Variants in OPCML observed in about 807,000 individuals in gnomAD.
The protein encoded by OPCML is opioid binding protein/cell adhesion molecule like.
Under a neutral mutation model 37.8 loss-of-function variants are expected in OPCML, and 13 were observed. The observed-to-expected ratio is 0.34, with a 90% confidence interval of 0.22 to 0.55. The LOEUF is 0.55. OPCML is among the 20% of genes least tolerant of loss of function. OPCML has a pLI of 0.91. For synonymous variants in OPCML, 176 were observed against 168.8 expected, an observed-to-expected ratio of 1.04 and a Z score of -0.33; for missense variants, 341 against 435.6, an observed-to-expected ratio of 0.78 and a Z score of 1.93.
At chr11:133,433,606 T>C (rs1946171977) in intron 1 of OPCML, among the ~76,000 whole-genome samples, 1 of 152,202 alleles carries the variant, frequency 6.6e-6, no homozygotes, top group Admixed American at 6.5e-5. Context: ...GCTTACGACA[T>C]GGGAGCCACA....
At chr11:132,846,125 GTCTCCT>G (rs1941528471) in intron 2 of OPCML, among the ~76,000 whole-genome samples, 1 of 152,184 alleles carries the variant, frequency 6.6e-6, no homozygotes, top group Non-Finnish European at 1.5e-5. Flanking sequence ...TTCATTTACA[GTCTCCT>G]TTATAGCTGC....
intron 1 of OPCML, among the ~76,000 whole-genome samples, chr11:133,520,411 G>T (rs532230902): frequency 6.6e-6 from 1 of 151,940 alleles, no homozygotes; most frequent in African/African-American, 2.4e-5. Context: ...TTTCTCCCAC[G>T]CAAGCAGAAA....
intron 4 of OPCML, among the ~76,000 whole-genome samples, chr11:132,451,618 G>C (rs963758133): frequency 6.6e-6 from 1 of 152,160 alleles, no homozygotes; most frequent in African/African-American, 2.4e-5. Context: ...GCACTGAGGG[G>C]ATGCCAGGAC....
chr11:132,621,915 AT>A (rs972556551), intron 3 of OPCML, among the ~76,000 whole-genome samples: 51 of 152,256 alleles, frequency 3.3e-4, no homozygotes, highest in African/African-American at 1.2e-3. Context: ...CATGGAATAC[AT>A]TTTCCCTCCA....
intron 1 of OPCML, among the ~76,000 whole-genome samples, chr11:133,312,061 T>C (rs1592190972): frequency 6.6e-6 from 1 of 152,070 alleles, no homozygotes. Flanking sequence ...CAGGAAAAAA[T>C]AGTCACAGTT....
rs68143578 is a variant in OPCML, at chr11:132,441,165, G to GTTTTTTTTTTTTTTTTTTTTTTTTTTTT, written c.506-3807_506-3806insAAAAAAAAAAAAAAAAAAAAAAAAAAAA. ...AGATGTGTTCACCAAGGACTTTTTT[G>GTTTTTTTTTTTTTTTTTTTTTTTTTTTT]TTTTTTTTTTTTTTTTTTTTGAGAC... On this transcript the variant is annotated intron_variant, in intron 4 of 7. Transcript: ENST00000524381. Among the ~76,000 whole-genome samples the GTTTTTTTTTTTTTTTTTTTTTTTTTTTT allele has an allele frequency of 1.5e-4, 11 of 72,402 alleles. 1 individual carries two copies. The highest frequency in any genetic ancestry group is 6.0e-4 in the South Asian group (1 of 1,668). 47.5% of individuals were successfully genotyped at this position (72,402 alleles called of 152,430 possible).
chr11:132,942,899 G>A (rs1412585013), intron 2 of OPCML, 27 bp downstream of exon 2: 2 of 1,613,454 alleles, frequency 1.2e-6, no homozygotes, highest in Non-Finnish European at 1.7e-6. Flanking sequence ...CCAGGGGCTC[G>A]GCCCCCGCGG....
intron 1 of OPCML, among the ~76,000 whole-genome samples, chr11:133,419,626 G>A (rs753577339): frequency 2.0e-5 from 3 of 152,148 alleles, no homozygotes; most frequent in East Asian, 3.9e-4. Context: ...TCTGAACTCT[G>A]TGTTTGTAGC....
At chr11:132,917,597 C>T (rs976378392) in intron 2 of OPCML, among the ~76,000 whole-genome samples, 1 of 152,142 alleles carries the variant, frequency 6.6e-6, no homozygotes, top group Non-Finnish European at 1.5e-5. Flanking sequence ...TTCTGAGGTA[C>T]CTCGTTCCCT....
At chr11:132,535,386 T>C (rs981201487) in intron 3 of OPCML, among the ~76,000 whole-genome samples, 2 of 152,094 alleles carry the variant, frequency 1.3e-5, no homozygotes, top group African/African-American at 4.8e-5. Context: ...ATCAGCACCA[T>C]GTCCTGCCCA....
At chr11:133,255,575 G>A (rs1381624885) in intron 1 of OPCML, among the ~76,000 whole-genome samples, 1 of 151,938 alleles carries the variant, frequency 6.6e-6, no homozygotes, top group African/African-American at 2.4e-5. Flanking sequence ...GCAAAGAAGA[G>A]GCCACACACA....
intron 3 of OPCML, among the ~76,000 whole-genome samples, chr11:132,596,415 T>C (rs751514024): frequency 1.9e-4 from 29 of 152,224 alleles, no homozygotes; most frequent in Non-Finnish European, 3.7e-4. Context: ...CTTTTGTTTA[T>C]GAACATTTAT....
At chr11:132,499,708 G>T (rs539944748) in intron 4 of OPCML, among the ~76,000 whole-genome samples, 1 of 152,306 alleles carries the variant, frequency 6.6e-6, no homozygotes, top group Non-Finnish European at 1.5e-5. Flanking sequence ...AAACAGAGAT[G>T]TGCATTAGAA....
chr11:133,067,243 TG>T (rs1948455461), intron 1 of OPCML: 1 of 152,136 alleles, frequency 6.6e-6, no homozygotes, highest in Non-Finnish European at 1.5e-5. Context: ...CTCTAGGAGA[TG>T]AAGTCACTGT....
chr11:132,692,226 C>T (rs1013099945), intron 2 of OPCML, among the ~76,000 whole-genome samples: 5 of 98,134 alleles, frequency 5.1e-5, no homozygotes, highest in African/African-American at 1.8e-4. Flanking sequence ...ATTGGTGATG[C>T]TACAGGAAAA....
chr11:132,950,532 C>A (rs1188097304), intron 1 of OPCML, among the ~76,000 whole-genome samples: 1 of 152,148 alleles, frequency 6.6e-6, no homozygotes, highest in African/African-American at 2.4e-5. Context: ...ATGAGACAGT[C>A]AAATGGAGAC....
At chr11:133,421,620 A>T (rs1206958111) in intron 1 of OPCML, 2 of 985,468 alleles carry the variant, frequency 2.0e-6, no homozygotes, top group Non-Finnish European at 2.4e-6. Flanking sequence ...TTGAATGTTA[A>T]GGCTCAGTCA....
chr11:133,281,103 C>T (rs1427549695), intron 1 of OPCML, among the ~76,000 whole-genome samples: 2 of 152,152 alleles, frequency 1.3e-5, no homozygotes, highest in Admixed American at 6.5e-5. Flanking sequence ...TGGGCATCAC[C>T]CCTCGCTCTA....
intron 1 of OPCML, among the ~76,000 whole-genome samples, chr11:133,426,791 A>T (rs961668663): frequency 1.1e-4 from 16 of 152,198 alleles, no homozygotes; most frequent in African/African-American, 3.4e-4. Flanking sequence ...TAAACACTGG[A>T]GGCCGCCATT....
Sources: allele counts gnomAD v4.1 joint callset (sites outside exome capture counted in the v4.1 genomes callset), GRCh38; gene constraint gnomAD v4.1.1; transcripts MANE v1.5; gene names NCBI Gene and HGNC (gene_info 2026-07-23, HGNC 2026-07-21).